TBC1D22B: variants seen among roughly 807,000 people sequenced by gnomAD.
TBC1D22B encodes TBC1 domain family member 22B.
TBC1D22B carries 32 observed loss-of-function variants against 69.1 expected under a neutral mutation model. The observed-to-expected ratio is 0.46, with a 90% CI of 0.35 to 0.62. The LOEUF (loss-of-function observed/expected upper bound fraction) is 0.62. Ranked by LOEUF, TBC1D22B falls within the 20% of genes least tolerant of loss-of-function variation. The pLI is 0.00. For synonymous variants in TBC1D22B, 206 were observed against 229.8 expected, an observed-to-expected ratio of 0.90 and a Z score of 0.94; for missense variants, 462 against 630.9, an observed-to-expected ratio of 0.73 and a Z score of 2.87.
intron 12 of TBC1D22B, among the ~76,000 whole-genome samples, chr6:37,322,117 A>G (rs1158294709): frequency 1.3e-5 from 2 of 152,202 alleles, no homozygotes; most frequent in Non-Finnish European, 2.9e-5. Flanking sequence ...CTACTAAGGA[A>G]GTGAATGGAG....
chr6:37,290,843 T>C (rs1767156433), intron 7 of TBC1D22B, among the ~76,000 whole-genome samples: 1 of 151,862 alleles, frequency 6.6e-6, no homozygotes, highest in African/African-American at 2.4e-5. Context: ...AAAAAAAAAT[T>C]TAGAAAAAAG....
At position 37,292,696 on chromosome 6, in the gene TBC1D22B, C is replaced by G. The variant is rs182487570; in HGVS notation, c.982+1339C>G. 2.0e-5 allele frequency among the ~76,000 whole-genome samples: 3 copies of G among 152,302 alleles called. No homozygotes were observed. In the East Asian group the frequency reaches 5.8e-4, roughly 29 times the overall value. On this transcript the variant is annotated intron_variant, in intron 8 of 12. Transcript: ENST00000373491. ...GTCTAAATGCTGTCATGAAATCTTG[C>G]TAACAGTGTTATGCCAGTTAAAAAT...
intron 12 of TBC1D22B, among the ~76,000 whole-genome samples, chr6:37,326,108 G>A (rs1414247073): frequency 9.9e-5 from 15 of 152,004 alleles, no homozygotes; most frequent in Non-Finnish European, 7.4e-5. Flanking sequence ...TCGGCTGGGC[G>A]CGGTGGCTCA....
At chr6:37,303,519 C>T (rs1374639190) in intron 8 of TBC1D22B, among the ~76,000 whole-genome samples, 1 of 152,122 alleles carries the variant, frequency 6.6e-6, no homozygotes, top group East Asian at 1.9e-4. Context: ...TTTTCTCACC[C>T]CCGGTTTTAT....
intron 1 of TBC1D22B, among the ~76,000 whole-genome samples, chr6:37,260,800 G>A (rs778220449): frequency 2.6e-5 from 4 of 152,216 alleles, no homozygotes; most frequent in East Asian, 1.9e-4. Context: ...GCTTGTCCAC[G>A]CTGTAGTATG....
At chr6:37,327,137 TG>T (rs1349260722) in intron 12 of TBC1D22B, among the ~76,000 whole-genome samples, 1 of 151,672 alleles carries the variant, frequency 6.6e-6, no homozygotes, top group Non-Finnish European at 1.5e-5. Context: ...CATGGTGGCA[TG>T]GGGGTGGGGG....
rs1342149353 is a variant in TBC1D22B at position 37,313,799 on chromosome 6, C to G, written c.1090-17C>G. The G allele has an allele frequency of 3.7e-6, 6 of 1,613,054 alleles. No individual in the cohort carries two copies. The highest frequency in any genetic ancestry group is 5.1e-6 in the Non-Finnish European group (6 of 1,178,976). ...AGTTAGAGTCCATGTTCATCCTGGG[C>G]TCTGTGTCATTTGCAGGATAACTAC... is the stretch of plus-strand genomic sequence containing the variant. On this transcript the variant is annotated splice_polypyrimidine_tract_variant and intron_variant, in intron 9 of 12. Coordinates refer to ENST00000373491, the MANE Select transcript of TBC1D22B (RefSeq NM_017772.4).
intron 8 of TBC1D22B, among the ~76,000 whole-genome samples, chr6:37,304,162 A>G (rs1170886733): frequency 6.6e-6 from 1 of 152,150 alleles, no homozygotes; most frequent in East Asian, 1.9e-4. Context: ...TCTCTCCCCT[A>G]AGGGATGGAG....
chr6:37,316,624 G>A, intron 10 of TBC1D22B, 79 bp from the exon 11 acceptor site: 1 of 1,564,478 alleles, frequency 6.4e-7, no homozygotes, highest in Non-Finnish European at 8.8e-7. Context: ...GTAAGAAGTG[G>A]GAGCTGCTAT....
Position 37,313,867 on chromosome 6 carries a change from G to A in TBC1D22B, c.1141G>A (p.Glu381Lys), listed in dbSNP as rs1768000399. ...AATCCAGAAGAAGGTGAAGGCACTG[G>A]AAGAGCTTGTCAGCCGGATTGATGG... ...PGIQKKVKAL[E>K]ELVSRIDEQV... The change falls in exon 10 of 13, where the codon GAA (glutamate) becomes AAA (lysine). Residue 381 changes from glutamate (E) to lysine (K), a missense_variant. Transcript: ENST00000373491. The A allele has an allele frequency of 2.5e-6, 4 of 1,614,186 alleles. No individual in the cohort carries two copies. The highest frequency in any genetic ancestry group is 2.7e-5 in the African/African-American group (2 of 75,056).
chr6:37,279,319 A>T lies in TBC1D22B; in HGVS notation c.129A>T (p.Arg43=), dbSNP rs199857009. 1.8e-5 allele frequency: 29 copies of T among 1,600,384 alleles called. No homozygotes were observed. The East Asian group carries it at 6.0e-4, about 33-fold the overall frequency. The part of the protein sequence containing the change: ...PRLTKNFIKE[R]SKVNTVPLKN... ...TTTCTTGAAGTTTCATTAAAGAACG[A>T]TCAAAAGTCAACACAGTTCCTCTGA... The change falls in exon 3 of 13, where the codon CGA becomes CGT. Residue 43 remains arginine (R), a synonymous_variant. Coordinates refer to ENST00000373491, the MANE Select transcript of TBC1D22B (RefSeq NM_017772.4).
At chr6:37,279,189 A>C in intron 2 of TBC1D22B, 115 bp from the exon 3 acceptor site, 2 of 1,053,296 alleles carry the variant, frequency 1.9e-6, no homozygotes, top group Non-Finnish European at 2.7e-6. Flanking sequence ...TGTTTGAAGA[A>C]GCTAATGATT....
chr6:37,269,516 TGATGCA>T, intron 1 of TBC1D22B, 72 bp from the exon 2 acceptor site: 6 of 1,377,524 alleles, frequency 4.4e-6, no homozygotes, highest in Non-Finnish European at 6.2e-6. Context: ...TCCAATTTTG[TGATGCA>T]GATGGCACTT....
intron 8 of TBC1D22B, among the ~76,000 whole-genome samples, chr6:37,300,006 CA>C (rs764261176): frequency 0.025 from 1,901 of 77,082 alleles, 21 homozygotes; most frequent in African/African-American, 0.071. Flanking sequence ...GAGACTCTGT[CA>C]AAAAAAAAAA....
intron 7 of TBC1D22B, among the ~76,000 whole-genome samples, chr6:37,289,683 A>G (rs1581597461): frequency 6.6e-6 from 1 of 152,238 alleles, no homozygotes; most frequent in Non-Finnish European, 1.5e-5. Flanking sequence ...TAATAGAGGC[A>G]TCTAGACAGA....
Position 37,332,780 on chromosome 6 carries a change from T to C in TBC1D22B, c.*1608T>C, listed in dbSNP as rs1240353851. 6.5e-6 allele frequency: 1 copy of C among 152,676 alleles called. No homozygotes were observed. Among genetic ancestry groups the C allele is most frequent in the Non-Finnish European group, 1.5e-5 (1 of 68,084 alleles). 9.5% of individuals were successfully genotyped at this position (152,676 alleles called of 1,614,324 possible). Reference sequence around the variant, plus strand: ...GCATTCTTCCCAACCCTCTTCCTTTTCCCCTTCGGTGTGCCTCAGTGGTCT... The same window carrying C: ...GCATTCTTCCCAACCCTCTTCCTTTCCCCCTTCGGTGTGCCTCAGTGGTCT... On this transcript the variant is annotated 3_prime_UTR_variant, in exon 13 of 13. Transcript: ENST00000373491.
intron 2 of TBC1D22B, among the ~76,000 whole-genome samples, chr6:37,278,552 G>A (rs146556524): frequency 7.8e-4 from 118 of 152,232 alleles, no homozygotes; most frequent in Admixed American, 3.7e-3. Context: ...CAGGCTCCTC[G>A]ACATAGTTAC....
intron 12 of TBC1D22B, among the ~76,000 whole-genome samples, chr6:37,327,961 T>C (rs1439608578): frequency 6.6e-6 from 1 of 152,070 alleles, no homozygotes; most frequent in Non-Finnish European, 1.5e-5. Flanking sequence ...GGTAGAGATC[T>C]AGGGAAATGG....
At chr6:37,261,133 G>T (rs951345379) in intron 1 of TBC1D22B, among the ~76,000 whole-genome samples, 2 of 152,054 alleles carry the variant, frequency 1.3e-5, no homozygotes, top group Admixed American at 6.5e-5. Context: ...AAGATAAGAG[G>T]CAATCTCTAC....
Sources: allele counts gnomAD v4.1 joint callset (sites outside exome capture counted in the v4.1 genomes callset), GRCh38; gene constraint gnomAD v4.1.1; transcripts MANE v1.5; gene names NCBI Gene and HGNC (gene_info 2026-07-23, HGNC 2026-07-21).